SLC25A13: variants seen among roughly 807,000 people sequenced by gnomAD.
SLC25A13 encodes electrogenic aspartate/glutamate antiporter SLC25A13, mitochondrial.
Under a neutral mutation model 85.5 loss-of-function variants are expected in SLC25A13, and 70 were observed. That is an observed-to-expected ratio of 0.82 (90% CI 0.68 to 1.00). SLC25A13 has a LOEUF of 1.00. Ranked by LOEUF, SLC25A13 falls within the 50% of genes least tolerant of loss-of-function variation. The pLI, the probability that SLC25A13 is intolerant of heterozygous loss-of-function variation, is 0.00. For missense variants in SLC25A13, 765 were observed against 819.8 expected, an observed-to-expected ratio of 0.93 and a Z score of 0.82; for synonymous variants, 259 against 288.7, an observed-to-expected ratio of 0.90 and a Z score of 1.04.
At chr7:96,245,893 T>C (rs1797171566) in intron 3 of SLC25A13, among the ~76,000 whole-genome samples, 1 of 152,218 alleles carries the variant, frequency 6.6e-6, no homozygotes, top group Non-Finnish European at 1.5e-5. Context: ...TCCTAAATCT[T>C]TCTTTGTTCT....
At chr7:96,306,893 A>G (rs191163565) in intron 1 of SLC25A13, 24 of 1,116,028 alleles carry the variant, frequency 2.2e-5, no homozygotes, top group African/African-American at 2.0e-4. Context: ...CTTCACTCCA[A>G]TCTCTCTTGC....
chr7:96,235,190 T>C (rs1004936072), intron 3 of SLC25A13, among the ~76,000 whole-genome samples: 1 of 152,250 alleles, frequency 6.6e-6, no homozygotes, highest in Admixed American at 6.5e-5. Context: ...ATCATATATG[T>C]TTCAGTCTTC....
At chr7:96,302,117 T>C (rs546308692) in intron 1 of SLC25A13, among the ~76,000 whole-genome samples, 10 of 152,364 alleles carry the variant, frequency 6.6e-5, no homozygotes, top group African/African-American at 2.2e-4. Flanking sequence ...CTGGTTATAA[T>C]TGTGTAAGTC....
chr7:96,135,443 A>G (rs1344379586), intron 14 of SLC25A13, among the ~76,000 whole-genome samples: 1 of 152,136 alleles, frequency 6.6e-6, no homozygotes, highest in Non-Finnish European at 1.5e-5. Context: ...GCAGGTGCCA[A>G]TTTGTAAGAC....
intron 3 of SLC25A13, among the ~76,000 whole-genome samples, chr7:96,260,431 ATACAAAAAAGAC>A (rs1797811396): frequency 6.6e-6 from 1 of 152,068 alleles, no homozygotes; most frequent in Non-Finnish European, 1.5e-5. Context: ...ATAATAATCA[ATACAAAAAAGAC>A]CCCAATTCCC....
chr7:96,279,242 T>C (rs1046703774), intron 2 of SLC25A13, among the ~76,000 whole-genome samples: 1 of 152,246 alleles, frequency 6.6e-6, no homozygotes, highest in Non-Finnish European at 1.5e-5. Context: ...TGCAAATATT[T>C]TTCCAGTTTG....
chr7:96,205,947 A>G (rs1170207030), intron 5 of SLC25A13, among the ~76,000 whole-genome samples: 1 of 133,942 alleles, frequency 7.5e-6, no homozygotes, highest in Non-Finnish European at 1.6e-5. Context: ...TTAAGTGACA[A>G]AAAAAAAAAA....
At chr7:96,298,261 G>A (rs1446892268) in intron 1 of SLC25A13, among the ~76,000 whole-genome samples, 5 of 152,148 alleles carry the variant, frequency 3.3e-5, no homozygotes, top group Admixed American at 3.3e-4. Flanking sequence ...GGAACTGCCT[G>A]AGCTCCTAGG....
At chr7:96,251,852 C>T (rs775318964) in intron 3 of SLC25A13, among the ~76,000 whole-genome samples, 2 of 152,178 alleles carry the variant, frequency 1.3e-5, no homozygotes, top group African/African-American at 4.8e-5. Context: ...GTTGGTGTAG[C>T]ACCATCTTTG....
At chr7:96,168,129 A>AAAAG (rs1562810139) in intron 13 of SLC25A13, among the ~76,000 whole-genome samples, 2 of 143,570 alleles carry the variant, frequency 1.4e-5, no homozygotes, top group African/African-American at 2.7e-5. Flanking sequence ...AAAAAAAAAA[A>AAAAG]GCACGTGTGC....
chr7:96,135,957 T>C (rs1427093281), intron 14 of SLC25A13, among the ~76,000 whole-genome samples: 3 of 151,478 alleles, frequency 2.0e-5, no homozygotes, highest in African/African-American at 7.3e-5. Flanking sequence ...CTATAATCAG[T>C]TGGGGAAAAT....
At chr7:96,252,460 G>T (rs1797469546) in intron 3 of SLC25A13, among the ~76,000 whole-genome samples, 2 of 152,136 alleles carry the variant, frequency 1.3e-5, no homozygotes, top group South Asian at 4.1e-4. Context: ...GACATTTGAG[G>T]GGCCTATTAG....
intron 11 of SLC25A13, among the ~76,000 whole-genome samples, chr7:96,172,358 G>A (rs1434645045): frequency 6.6e-6 from 1 of 152,100 alleles, no homozygotes; most frequent in Admixed American, 6.5e-5. Flanking sequence ...AGGAGTTCGA[G>A]ACCAGCCTGA....
chr7:96,300,237 C>T (rs1467111958), intron 1 of SLC25A13, among the ~76,000 whole-genome samples: 1 of 151,982 alleles, frequency 6.6e-6, no homozygotes, highest in African/African-American at 2.4e-5. Flanking sequence ...TAGTGACACC[C>T]CATCTTCATT....
chr7:96,123,621 A>G (rs1584337244), intron 15 of SLC25A13, among the ~76,000 whole-genome samples: 1 of 152,300 alleles, frequency 6.6e-6, no homozygotes, highest in Middle Eastern at 3.4e-3. Context: ...GGCAACTTGA[A>G]CATAACTCCC....
intron 2 of SLC25A13, among the ~76,000 whole-genome samples, chr7:96,285,035 T>C (rs1284776155): frequency 1.3e-5 from 2 of 151,848 alleles, no homozygotes; most frequent in African/African-American, 2.4e-5. Flanking sequence ...CCTCTCACTT[T>C]CTCTGTTACT....
At chr7:96,129,535 T>A (rs1452459452) in intron 15 of SLC25A13, among the ~76,000 whole-genome samples, 1 of 152,118 alleles carries the variant, frequency 6.6e-6, no homozygotes, top group Non-Finnish European at 1.5e-5. Context: ...TTGGAAAAAA[T>A]TAAAGTATCT....
At chr7:96,277,670 G>A (rs1798511839) in intron 2 of SLC25A13, among the ~76,000 whole-genome samples, 1 of 152,076 alleles carries the variant, frequency 6.6e-6, no homozygotes, top group South Asian at 2.1e-4. Flanking sequence ...CAATACACAG[G>A]ATGACTCCCT....
intron 14 of SLC25A13, among the ~76,000 whole-genome samples, chr7:96,136,504 G>A (rs7803376): frequency 1.3e-5 from 2 of 152,184 alleles, no homozygotes; most frequent in Non-Finnish European, 2.9e-5. Flanking sequence ...CACGCATGCT[G>A]TTGCACATGC....
Sources: allele counts gnomAD v4.1 joint callset (sites outside exome capture counted in the v4.1 genomes callset), GRCh38; gene constraint gnomAD v4.1.1; transcripts MANE v1.5; gene names NCBI Gene and HGNC (gene_info 2026-07-23, HGNC 2026-07-21).